AGMO: variants seen among roughly 807,000 people sequenced by gnomAD.
The protein encoded by AGMO is glyceryl-ether monooxygenase.
In AGMO, 75 loss-of-function variants were observed where a neutral mutation model predicts 60.2. The ratio of observed to expected loss-of-function variants is 1.25; its 90% CI spans 1.03 to 1.51. The LOEUF (loss-of-function observed/expected upper bound fraction) is 1.51, where lower values mean the gene tolerates loss of function less well. AGMO is among the 40% of genes most tolerant of loss of function. The pLI, the probability that AGMO is intolerant of heterozygous loss-of-function variation, is 0.00. For synonymous variants in AGMO, 261 were observed against 177.1 expected (o/e 1.47, Z -3.76); for missense variants, 763 against 525.5 (o/e 1.45, Z -4.42).
At chr7:15,194,056 G>A in the AGMO span, among the ~76,000 whole-genome samples, 1 of 152,060 alleles carries the variant, frequency 6.6e-6, no homozygotes, top group African/African-American at 2.4e-5. Flanking sequence ...ACACTGCTTT[G>A]TATTACTACA....
intron 12 of AGMO, among the ~76,000 whole-genome samples, chr7:15,350,230 C>T (rs1782191675): frequency 6.6e-6 from 1 of 152,086 alleles, no homozygotes; most frequent in East Asian, 1.9e-4. Context: ...AAACACCAAG[C>T]ATGAAGGATA....
At chr7:15,124,937 G>C in the AGMO span, among the ~76,000 whole-genome samples, 11 of 151,990 alleles carry the variant, frequency 7.2e-5, no homozygotes, top group African/African-American at 2.7e-4. Context: ...TGAACATAGA[G>C]GGGGGACACA....
At chr7:15,345,624 C>G (rs1265686357) in intron 12 of AGMO, among the ~76,000 whole-genome samples, 3 of 152,172 alleles carry the variant, frequency 2.0e-5, no homozygotes, top group African/African-American at 7.2e-5. Context: ...CAATATCTAT[C>G]TTGGTACTTG....
chr7:15,249,232 T>C (rs1368374063), intron 12 of AGMO, among the ~76,000 whole-genome samples: 1 of 152,164 alleles, frequency 6.6e-6, no homozygotes, highest in Non-Finnish European at 1.5e-5. Context: ...TATCTGACTT[T>C]AAGGATAGAA....
chr7:15,231,719 A>G (rs1782265143), intron 12 of AGMO, among the ~76,000 whole-genome samples: 1 of 152,172 alleles, frequency 6.6e-6, no homozygotes, highest in Non-Finnish European at 1.5e-5. Flanking sequence ...TGTAAGGATA[A>G]TGTTACTTGT....
chr7:15,373,403 G>A (rs544591670), intron 10 of AGMO, among the ~76,000 whole-genome samples: 1 of 152,092 alleles, frequency 6.6e-6, no homozygotes, highest in South Asian at 2.1e-4. Context: ...TTAAATAGAT[G>A]GGAAAAAAAT....
At chr7:15,258,994 AGAAGGTTGTT>A (rs1783188821) in intron 12 of AGMO, among the ~76,000 whole-genome samples, 1 of 152,136 alleles carries the variant, frequency 6.6e-6, no homozygotes, top group Admixed American at 6.6e-5. Flanking sequence ...ATATGACAAA[AGAAGGTTGTT>A]TCACACCCCC....
intron 3 of AGMO, among the ~76,000 whole-genome samples, chr7:15,447,805 G>C (rs1197008849): frequency 6.6e-6 from 1 of 151,954 alleles, no homozygotes; most frequent in Non-Finnish European, 1.5e-5. Context: ...CACCTGCCTT[G>C]GCCTCCCAAA....
the AGMO span, among the ~76,000 whole-genome samples, chr7:15,124,289 T>C: frequency 6.6e-6 from 1 of 152,040 alleles, no homozygotes; most frequent in Non-Finnish European, 1.5e-5. Flanking sequence ...GAGCCACTTA[T>C]CTCTGTGGTA....
At chr7:15,322,454 AT>A (rs1451639408) in intron 12 of AGMO, among the ~76,000 whole-genome samples, 15 of 82,006 alleles carry the variant, frequency 1.8e-4, no homozygotes, top group Middle Eastern at 7.2e-3. Context: ...AAATATATAT[AT>A]AAATATATAT....
At chr7:15,182,384 T>G in the AGMO span, among the ~76,000 whole-genome samples, 1 of 152,080 alleles carries the variant, frequency 6.6e-6, no homozygotes. Context: ...CGATAAAAAA[T>G]TAGGAAAAAA....
rs1470391384 is a variant in AGMO at position 15,493,371 on chromosome 7, T to C, written c.409+51401A>G. 5.5e-5 allele frequency among the ~76,000 whole-genome samples: 5 copies of C among 90,700 alleles called. 1 individual carries two copies. The East Asian group carries it at 9.4e-4, about 17-fold the overall frequency. The allele number at this position is 90,700 out of a possible 152,430, so 59.5% of individuals were successfully genotyped here. On this transcript the variant is annotated intron_variant, in intron 3 of 12. Transcript: ENST00000342526. ...CACACACACACACACACTTCTTTTT[T>C]TTTTTTTTTTTTTTTTTTTTGAGAC... is the stretch of plus-strand genomic sequence containing the variant.
intron 12 of AGMO, among the ~76,000 whole-genome samples, chr7:15,210,718 T>C (rs1318539237): frequency 6.6e-6 from 1 of 152,112 alleles, no homozygotes; most frequent in Non-Finnish European, 1.5e-5. Flanking sequence ...ATCCCAATAA[T>C]TCAAAATAAA....
At chr7:15,346,858 G>C (rs1414134984) in intron 12 of AGMO, among the ~76,000 whole-genome samples, 5 of 143,750 alleles carry the variant, frequency 3.5e-5, no homozygotes, top group East Asian at 2.3e-4. Context: ...TTAGTAGTAA[G>C]TAACTATTTT....
intron 12 of AGMO, among the ~76,000 whole-genome samples, chr7:15,230,853 C>T (rs1711578215): frequency 6.6e-6 from 1 of 152,094 alleles, no homozygotes; most frequent in Non-Finnish European, 1.5e-5. Flanking sequence ...GACTGCAGTA[C>T]CTCTGCTCAT....
At chr7:15,378,824 G>A (rs937992056) in intron 10 of AGMO, among the ~76,000 whole-genome samples, 15 of 151,302 alleles carry the variant, frequency 9.9e-5, no homozygotes, top group East Asian at 3.9e-4. Flanking sequence ...TCTTCTCATC[G>A]CTACATGACA....
At chr7:15,229,231 G>C (rs1427392681) in intron 12 of AGMO, among the ~76,000 whole-genome samples, 2 of 151,852 alleles carry the variant, frequency 1.3e-5, no homozygotes, top group Non-Finnish European at 2.9e-5. Context: ...ATCAAATTAG[G>C]GAATTTCATT....
rs546989500 is a variant in AGMO at position 15,347,849 on chromosome 7, GTC to G, written c.1263+17663_1263+17664del. On this transcript the variant is annotated intron_variant, in intron 12 of 12. Transcript: ENST00000342526. ...CTGATAAGGAACTAAATTAAATACA[GTC>G]TGTATAAATACTTTATTAAATACAG... Among the ~76,000 whole-genome samples, 250 of 152,108 alleles carry G rather than the reference GTC, an allele frequency of 1.6e-3. 1 individual carries two copies. The highest frequency in any genetic ancestry group is 2.9e-3 in the Non-Finnish European group (198 of 67,908).
chr7:15,330,109 T>A (rs943259767), intron 12 of AGMO, among the ~76,000 whole-genome samples: 4 of 152,188 alleles, frequency 2.6e-5, no homozygotes, highest in African/African-American at 7.2e-5. Flanking sequence ...AATGATTTCT[T>A]AAAAGTTTTT....
Sources: allele counts gnomAD v4.1 joint callset (sites outside exome capture counted in the v4.1 genomes callset), GRCh38; gene constraint gnomAD v4.1.1; transcripts MANE v1.5; gene names NCBI Gene and HGNC (gene_info 2026-07-23, HGNC 2026-07-21).